Variants in ABCC4 observed in about 807,000 individuals in gnomAD.
ABCC4 encodes ATP-binding cassette sub-family C member 4.
A neutral mutation model predicts 168.5 loss-of-function variants in ABCC4; 102 were observed. The observed-to-expected ratio is 0.61, with a 90% CI of 0.52 to 0.71. The LOEUF (loss-of-function observed/expected upper bound fraction) is 0.71. Among genes scored for constraint, ABCC4 ranks in the 30% least tolerant of loss-of-function variants. The pLI is 0.00. For synonymous variants in ABCC4, 617 were observed against 590.7 expected (o/e 1.04, Z -0.65); for missense variants, 1,402 against 1,605.8 (o/e 0.87, Z 2.17).
At chr13:95,289,147 A>G (rs1313952536) in intron 1 of ABCC4, among the ~76,000 whole-genome samples, 1 of 152,206 alleles carries the variant, frequency 6.6e-6, no homozygotes, top group East Asian at 1.9e-4. Context: ...GCAGAAGTTA[A>G]AAGAAGCGGT....
chr13:95,218,927 GAGAAAGAAAGAAAGAA>G (rs71111597), intron 4 of ABCC4, among the ~76,000 whole-genome samples: 1,211 of 42,376 alleles, frequency 0.029, 34 homozygotes, highest in Admixed American at 0.038. Flanking sequence ...GAGAAAGAAA[GAGAAAGAAAGAAAGAA>G]AGAAAGAAAG....
intron 1 of ABCC4, among the ~76,000 whole-genome samples, chr13:95,285,248 TTAAA>T (rs562678175): frequency 7.9e-6 from 1 of 127,220 alleles, no homozygotes; most frequent in Non-Finnish European, 1.7e-5. Context: ...ACTCCGTCTC[TTAAA>T]TAAATAAATA....
At chr13:95,071,449 C>T (rs145966197) in intron 25 of ABCC4, among the ~76,000 whole-genome samples, 3 of 152,296 alleles carry the variant, frequency 2.0e-5, no homozygotes, top group African/African-American at 4.8e-5. Context: ...TCCTGGGTCA[C>T]GTTAAGCTCC....
At chr13:95,130,692 T>C (rs545584218) in intron 19 of ABCC4, among the ~76,000 whole-genome samples, 181 of 152,170 alleles carry the variant, frequency 1.2e-3, no homozygotes, top group South Asian at 2.9e-3. Context: ...TCATTAAAAA[T>C]AGACTGCATT....
intron 8 of ABCC4, 76 bp downstream of exon 8, chr13:95,206,456 T>C (rs1020893900): frequency 3.2e-6 from 5 of 1,560,590 alleles, no homozygotes; most frequent in Middle Eastern, 1.8e-4. Flanking sequence ...CACTGGAACA[T>C]AGTGATGCTA....
intron 20 of ABCC4, among the ~76,000 whole-genome samples, chr13:95,090,161 C>A (rs1398440104): frequency 1.3e-5 from 2 of 152,148 alleles, no homozygotes; most frequent in Non-Finnish European, 2.9e-5. Context: ...GCCCTGCCCC[C>A]ACCTGATGGT....
At chr13:95,299,080 C>T (rs1376940388) in intron 1 of ABCC4, among the ~76,000 whole-genome samples, 1 of 151,702 alleles carries the variant, frequency 6.6e-6, no homozygotes, top group Non-Finnish European at 1.5e-5. Flanking sequence ...ACATAGAGAG[C>T]CCTATCTCTA....
intron 1 of ABCC4, among the ~76,000 whole-genome samples, chr13:95,253,543 G>T (rs1197663853): frequency 6.6e-6 from 1 of 151,884 alleles, no homozygotes; most frequent in Non-Finnish European, 1.5e-5. Context: ...TCAGGAGTTC[G>T]AGACCAGCCT....
chr13:95,300,902 G>A (rs2041658507), intron 1 of ABCC4, among the ~76,000 whole-genome samples: 1 of 152,196 alleles, frequency 6.6e-6, no homozygotes, highest in African/African-American at 2.4e-5. Flanking sequence ...CTGGGCAAGA[G>A]ACTCCCCCTT....
At chr13:95,213,948 TG>T (rs1329452648) in intron 4 of ABCC4, among the ~76,000 whole-genome samples, 2 of 151,682 alleles carry the variant, frequency 1.3e-5, no homozygotes, top group African/African-American at 4.8e-5. Flanking sequence ...AGGAGGGAAA[TG>T]GCAACAGAAA....
In ABCC4 at chr13:95,253,559, G is replaced by C. The variant is rs1005080312; in HGVS notation, c.75-5806C>G. Reference sequence around the variant, plus strand: ...CAGGAGTTCGAGACCAGCCTGGCCAGCATGATGAAACCCCGCCTCTACTAA... The same window carrying C: ...CAGGAGTTCGAGACCAGCCTGGCCACCATGATGAAACCCCGCCTCTACTAA... On this transcript the variant is annotated intron_variant, in intron 1 of 30. Transcript: ENST00000645237. 4.3e-4 allele frequency among the ~76,000 whole-genome samples: 65 copies of C among 151,920 alleles called. 2 individuals carry two copies. The highest frequency in any genetic ancestry group is 1.5e-3 in the African/African-American group (64 of 41,452).
chr13:95,130,928 A>ATTTC (rs2035937836), intron 19 of ABCC4, among the ~76,000 whole-genome samples: 1 of 152,202 alleles, frequency 6.6e-6, no homozygotes, highest in Non-Finnish European at 1.5e-5. Flanking sequence ...AATACGAACA[A>ATTTC]GAAAATGCTT....
At chr13:95,171,618 G>A (rs1469434259) in intron 13 of ABCC4, among the ~76,000 whole-genome samples, 1 of 151,746 alleles carries the variant, frequency 6.6e-6, no homozygotes, top group Non-Finnish European at 1.5e-5. Flanking sequence ...TCTGTAACAA[G>A]GGCCAAGAAC....
intron 13 of ABCC4, among the ~76,000 whole-genome samples, chr13:95,173,785 T>C (rs912624449): frequency 6.6e-6 from 1 of 152,122 alleles, no homozygotes; most frequent in Non-Finnish European, 1.5e-5. Flanking sequence ...AATGTAATGG[T>C]ATTAGGAGGT....
intron 19 of ABCC4, among the ~76,000 whole-genome samples, chr13:95,157,130 A>AC (rs1491329836): frequency 0.014 from 1,813 of 125,528 alleles, 36 homozygotes; most frequent in African/African-American, 0.053. Flanking sequence ...ACACACACAC[A>AC]AACAGTCACC....
intron 19 of ABCC4, among the ~76,000 whole-genome samples, chr13:95,119,265 T>G (rs564484239): frequency 1.3e-5 from 2 of 152,186 alleles, no homozygotes; most frequent in South Asian, 4.2e-4. Flanking sequence ...AACTATTGAG[T>G]GCATCCCCAC....
At chr13:95,249,550 A>G (rs187453580) in intron 1 of ABCC4, among the ~76,000 whole-genome samples, 7 of 152,296 alleles carry the variant, frequency 4.6e-5, no homozygotes, top group Non-Finnish European at 8.8e-5. Context: ...AGCAATTCTA[A>G]TTAACCCAAT....
chr13:95,075,270 C>T, intron 22 of ABCC4, 162 bp downstream of exon 22: 1 of 902,982 alleles, frequency 1.1e-6, no homozygotes, highest in Non-Finnish European at 1.7e-6. Context: ...GGAGTCCAAG[C>T]CCAGAAGAAG....
chr13:95,272,359 T>C (rs1210772749), intron 1 of ABCC4, among the ~76,000 whole-genome samples: 1 of 152,006 alleles, frequency 6.6e-6, no homozygotes, highest in Non-Finnish European at 1.5e-5. Flanking sequence ...ACATAAAGTG[T>C]CTGTGGTAAA....
Sources: gnomAD v4.1 joint callset for allele counts (sites outside exome capture counted in the v4.1 genomes callset) on GRCh38, gnomAD v4.1.1 for gene constraint, MANE v1.5 for transcripts, NCBI Gene and HGNC (gene_info 2026-07-23, HGNC 2026-07-21) for gene names.